Variants in HEATR4 observed in about 807,000 individuals in gnomAD.
The protein encoded by HEATR4 is HEAT repeat-containing protein 4.
A neutral mutation model predicts 108.8 loss-of-function variants in HEATR4; 95 were observed. The ratio of observed to expected loss-of-function variants is 0.87; its 90% CI spans 0.74 to 1.04. HEATR4 has a LOEUF of 1.04. Among genes scored for constraint, HEATR4 ranks in the 50% least tolerant of loss-of-function variants. The pLI is 0.00. For synonymous variants in HEATR4, 443 were observed against 459.4 expected, an observed-to-expected ratio of 0.96 and a Z score of 0.46; for missense variants, 1,152 against 1,253.8, an observed-to-expected ratio of 0.92 and a Z score of 1.23.
the HEATR4 span, among the ~76,000 whole-genome samples, chr14:73,621,577 C>T: frequency 6.6e-6 from 1 of 152,098 alleles, no homozygotes; most frequent in Non-Finnish European, 1.5e-5. Context: ...TGTGATTTCA[C>T]GGCACATCCC....
At chr14:73,570,643 G>T in the HEATR4 span, among the ~76,000 whole-genome samples, 2 of 151,938 alleles carry the variant, frequency 1.3e-5, no homozygotes, top group East Asian at 3.9e-4. Context: ...GGTGGCTAAC[G>T]CCTGTAATCC....
the HEATR4 span, among the ~76,000 whole-genome samples, chr14:73,567,145 C>A: frequency 6.6e-6 from 1 of 151,996 alleles, no homozygotes; most frequent in Non-Finnish European, 1.5e-5. Context: ...CTATGTTGTC[C>A]AGGTTGGTGC....
At chr14:73,569,448 G>C in the HEATR4 span, 1 of 1,613,700 alleles carries the variant, frequency 6.2e-7, no homozygotes, top group African/African-American at 1.3e-5. Context: ...GCTGATCCTG[G>C]AGCCTGCGGG....
At chr14:73,592,202 C>G in the HEATR4 span, 14 of 1,612,166 alleles carry the variant, frequency 8.7e-6, no homozygotes, top group African/African-American at 8.0e-5. Context: ...TGGGGCTGCT[C>G]TGGGCCCTGG....
the HEATR4 span, among the ~76,000 whole-genome samples, chr14:73,625,078 G>A: frequency 1.2e-4 from 18 of 150,688 alleles, no homozygotes; most frequent in African/African-American, 3.7e-4. Flanking sequence ...ATTTATTTAT[G>A]AGATGGAGTC....
intron 1 of HEATR4, chr14:73,543,274 C>A (rs762440426): frequency 5.7e-6 from 9 of 1,586,950 alleles, no homozygotes; most frequent in Non-Finnish European, 7.7e-6. Flanking sequence ...TTGTGGATGT[C>A]CTGAACAGCC....
intron 17 of HEATR4, among the ~76,000 whole-genome samples, chr14:73,490,013 C>T (rs1250844781): frequency 1.3e-5 from 2 of 152,192 alleles, no homozygotes; most frequent in African/African-American, 4.8e-5. Flanking sequence ...GCCGGTGGAA[C>T]ATCCTGTTTA....
rs1282447088 is a variant in HEATR4, at chr14:73,541,918, C to T, written c.-151-11674G>A. Among the ~76,000 whole-genome samples the T allele has an allele frequency of 6.2e-5, 7 of 112,740 alleles. 2 individuals carry two copies. Among genetic ancestry groups the T allele is most frequent in the African/African-American group, 1.8e-4 (6 of 33,744 alleles). 74.0% of individuals were successfully genotyped at this position (112,740 alleles called of 152,430 possible). ...GTTGCCAGGCTGGAGTCCAGTGGTG[C>T]GATCTTGGCTCACTGCAACCTCCAC... On this transcript the variant is annotated intron_variant, in intron 1 of 17. Coordinates refer to ENST00000553558, the MANE Select transcript of HEATR4 (RefSeq NM_001220484.1).
rs1479025017 is a variant in HEATR4 at position 73,556,989 on chromosome 14, C to T, written c.-152+1762G>A. Among the ~76,000 whole-genome samples the T allele has an allele frequency of 3.5e-5, 4 of 113,418 alleles. 1 individual carries two copies. The highest frequency in any genetic ancestry group is 5.7e-5 in the African/African-American group (2 of 35,080). 74.4% of individuals were successfully genotyped at this position (113,418 alleles called of 152,430 possible). A position where few individuals can be genotyped will look rare whatever the true frequency, so the allele number is the denominator to read the frequency against. On this transcript the variant is annotated intron_variant, in intron 1 of 17. Coordinates refer to ENST00000553558, the MANE Select transcript of HEATR4 (RefSeq NM_001220484.1). ...AGGCTCCTTATTATCGAAACTTACA[C>T]ATTACGTGACCAGCATTATGAGGCA...
At chr14:73,597,921 G>A in the HEATR4 span, among the ~76,000 whole-genome samples, 2 of 150,186 alleles carry the variant, frequency 1.3e-5, no homozygotes, top group Non-Finnish European at 3.0e-5. Context: ...ATGGGGTTTC[G>A]CCATATTGGC....
the HEATR4 span, chr14:73,595,192 G>A: frequency 1.2e-6 from 2 of 1,614,098 alleles, no homozygotes; most frequent in African/African-American, 2.7e-5. Flanking sequence ...TCAACTATAA[G>A]CACAGTAGCA....
the HEATR4 span, among the ~76,000 whole-genome samples, chr14:73,624,446 A>G: frequency 6.6e-6 from 1 of 152,014 alleles, no homozygotes; most frequent in Admixed American, 6.6e-5. Context: ...ATTTTTTTAA[A>G]TAAAAATTAG....
In HEATR4 at chr14:73,492,939, AT is replaced by A; in HGVS notation, c.2844+126del. The stretch of plus-strand genomic sequence containing the variant: ...CTCACTAAGATGCCTCTAGCCCTAA[AT>A]TAGTTTCTTGTTGATTGCTGGAAAC... On this transcript the variant is annotated intron_variant, in intron 17 of 17. Transcript: ENST00000553558. This position sits in a 1 kb window ranked among gnomAD's most constrained non-coding sequence, Gnocchi z 4.9. 1 of 1,611,582 alleles carries A rather than the reference AT, an allele frequency of 6.2e-7. No individual in the cohort carries two copies. The highest frequency in any genetic ancestry group is 8.5e-7 in the Non-Finnish European group (1 of 1,178,900).
At chr14:73,596,973 A>G in the HEATR4 span, among the ~76,000 whole-genome samples, 1 of 152,230 alleles carries the variant, frequency 6.6e-6, no homozygotes, top group Non-Finnish European at 1.5e-5. Flanking sequence ...TGTCAAAGAC[A>G]TCAAGCCACA....
chr14:73,518,325 A>G (rs1216131219), intron 5 of HEATR4, among the ~76,000 whole-genome samples: 1 of 150,226 alleles, frequency 6.7e-6, no homozygotes, highest in African/African-American at 2.5e-5. Context: ...AATTGCTTGA[A>G]CCAGGAAGAT....
chr14:73,621,680 G>T, the HEATR4 span, among the ~76,000 whole-genome samples: 1 of 151,630 alleles, frequency 6.6e-6, no homozygotes, highest in Non-Finnish European at 1.5e-5. Context: ...TTCCTTAGAG[G>T]TAACTTAATT....
At chr14:73,629,074 GA>G in the HEATR4 span, among the ~76,000 whole-genome samples, 3 of 147,778 alleles carry the variant, frequency 2.0e-5, no homozygotes, top group Admixed American at 6.8e-5. Context: ...AAAAAAGAAA[GA>G]AAAAAAAATT....
chr14:73,523,039 C>T lies in HEATR4; in HGVS notation c.114G>A (p.Glu38=), dbSNP rs1888073798. The T allele has an allele frequency of 1.2e-6, 2 of 1,614,154 alleles. No individual in the cohort carries two copies. Among genetic ancestry groups the T allele is most frequent in the Non-Finnish European group, 1.7e-6 (2 of 1,180,034 alleles). The part of the protein sequence containing the change: ...ILNYSKLKGK[E]ECASVSSVPM... ...GCACACTGGAGACAGAGGCACACTC[C>T]TCCTTGCCTTTCAATTTTGAGTAGT... Residue 38 remains glutamate, a synonymous_variant, in exon 3 of 18, where the codon GAG becomes GAA. Coordinates refer to ENST00000553558, the MANE Select transcript of HEATR4 (RefSeq NM_001220484.1).
the HEATR4 span, among the ~76,000 whole-genome samples, chr14:73,579,265 TAAAAAAAAAAA>T: frequency 1.4e-4 from 10 of 70,862 alleles, no homozygotes; most frequent in East Asian, 1.5e-3. Context: ...TCAAAAAAAT[TAAAAAAAAAAA>T]AAAAAAAAAA....
Sources: gnomAD v4.1 joint callset for allele counts (sites outside exome capture counted in the v4.1 genomes callset) on GRCh38, gnomAD v4.1.1 for gene constraint, Gnocchi (gnomAD v3.1) non-coding constraint, MANE v1.5 for transcripts, NCBI Gene and HGNC (gene_info 2026-07-23, HGNC 2026-07-21) for gene names.